Variants in TYW1B observed in about 807,000 individuals in gnomAD.
TYW1B encodes S-adenosyl-L-methionine-dependent tRNA 4-demethylwyosine synthase TYW1B.
In TYW1B, 73 loss-of-function variants were observed where a neutral mutation model predicts 86.9. The ratio of observed to expected loss-of-function variants is 0.84; its 90% CI spans 0.70 to 1.02. TYW1B has a LOEUF of 1.02. TYW1B is among the 50% of genes least tolerant of loss of function. The pLI is 0.00. For missense variants in TYW1B, 637 were observed against 827.4 expected, an observed-to-expected ratio of 0.77 and a Z score of 2.82; for synonymous variants, 248 against 292.8, an observed-to-expected ratio of 0.85 and a Z score of 1.56.
chr7:72,674,756 TCTC>T (rs1157836135), intron 11 of TYW1B, among the ~76,000 whole-genome samples: 2 of 95,344 alleles, frequency 2.1e-5, no homozygotes, highest in Admixed American at 1.2e-4. Context: ...TTTCCTTTTC[TCTC>T]TTTTTTTTTT....
At chr7:72,700,091 C>T (rs1340262509) in intron 10 of TYW1B, among the ~76,000 whole-genome samples, 1 of 145,166 alleles carries the variant, frequency 6.9e-6, no homozygotes, top group Non-Finnish European at 1.5e-5. Flanking sequence ...CTTTTGGGCA[C>T]ATGGGATAAG....
At position 72,632,402 on chromosome 7, in the gene TYW1B, T is replaced by A. The variant is rs1243233345; in HGVS notation, c.1507-3405A>T. On this transcript the variant is annotated intron_variant, in intron 11 of 13. Coordinates refer to ENST00000620995, the MANE Select transcript of TYW1B (RefSeq NM_001145440.3). ...TATATATATACGTATATATATATAA[T>A]ATATATATACATATATATATAAAAT... Among the ~76,000 whole-genome samples, 59 of 79,648 alleles carry A rather than the reference T, an allele frequency of 7.4e-4. 1 individual carries two copies. The highest frequency in any genetic ancestry group is 5.0e-3 in the African/African-American group (49 of 9,856). The allele number at this position is 79,648 out of a possible 152,430, so 52.3% of individuals were successfully genotyped here. A position where few individuals can be genotyped will look rare whatever the true frequency, so the allele number is the denominator to read the frequency against.
At chr7:72,745,888 G>A (rs532640797) in intron 7 of TYW1B, among the ~76,000 whole-genome samples, 1 of 141,742 alleles carries the variant, frequency 7.1e-6, no homozygotes, top group Admixed American at 7.2e-5. Flanking sequence ...GTGTGTGTGT[G>A]TAGTCTCACT....
chr7:72,640,716 A>G (rs1362488049), intron 11 of TYW1B, among the ~76,000 whole-genome samples: 1 of 152,174 alleles, frequency 6.6e-6, no homozygotes, highest in Non-Finnish European at 1.5e-5. Flanking sequence ...AAATTAACAT[A>G]GCCATAGTCA....
chr7:72,733,291 G>T (rs1350382863), intron 8 of TYW1B, among the ~76,000 whole-genome samples: 2 of 151,968 alleles, frequency 1.3e-5, no homozygotes, highest in African/African-American at 4.8e-5. Context: ...GTATTACCCT[G>T]AAAACAAAAC....
At chr7:72,665,889 A>G (rs1813450384) in intron 11 of TYW1B, among the ~76,000 whole-genome samples, 1 of 152,170 alleles carries the variant, frequency 6.6e-6, no homozygotes, top group South Asian at 2.1e-4. Context: ...ATGGTCTAGT[A>G]TATTAAATGT....
intron 6 of TYW1B, among the ~76,000 whole-genome samples, chr7:72,780,441 C>T (rs1323744902): frequency 6.6e-6 from 1 of 152,150 alleles, no homozygotes; most frequent in African/African-American, 2.4e-5. Context: ...CTTGTCACCA[C>T]AAAACATCAC....
At chr7:72,640,687 T>C (rs1332670437) in intron 11 of TYW1B, among the ~76,000 whole-genome samples, 7 of 152,100 alleles carry the variant, frequency 4.6e-5, no homozygotes, top group East Asian at 1.9e-4. Flanking sequence ...GAAGTAACAA[T>C]TGACATAACT....
At chr7:72,819,420 A>C (rs1788786816) in intron 2 of TYW1B, among the ~76,000 whole-genome samples, 1 of 152,102 alleles carries the variant, frequency 6.6e-6, no homozygotes, top group Non-Finnish European at 1.5e-5. Context: ...GGAGTACCTG[A>C]GACTGGGTAA....
At chr7:72,802,123 C>G (rs1292338354) in intron 6 of TYW1B, among the ~76,000 whole-genome samples, 2 of 151,716 alleles carry the variant, frequency 1.3e-5, no homozygotes, top group Admixed American at 6.6e-5. Flanking sequence ...ATGTGGCCCA[C>G]GAAAGCCAAA....
At position 72,758,081 on chromosome 7, in the gene TYW1B, G is replaced by A. The variant is rs186093480; in HGVS notation, c.965-13480C>T. On this transcript the variant is annotated intron_variant, in intron 7 of 13. Coordinates refer to ENST00000620995, the MANE Select transcript of TYW1B (RefSeq NM_001145440.3). Reference sequence around the variant, plus strand: ...AAAAATACAAAAAAATTAGCCAGTCGTGGTGGCGTGCGCCTGTAATCCCAG... The same window carrying A: ...AAAAATACAAAAAAATTAGCCAGTCATGGTGGCGTGCGCCTGTAATCCCAG... Among the ~76,000 whole-genome samples, 417 of 152,236 alleles carry A rather than the reference G, an allele frequency of 2.7e-3. 2 individuals are homozygous for A. The highest frequency in any genetic ancestry group is 8.9e-3 in the African/African-American group (368 of 41,552).
intron 11 of TYW1B, among the ~76,000 whole-genome samples, chr7:72,645,587 ACAT>A (rs576094499): frequency 1.1e-3 from 166 of 152,338 alleles, no homozygotes; most frequent in Middle Eastern, 3.4e-3. Flanking sequence ...TCATACATTG[ACAT>A]ATAGCAATGA....
At chr7:72,771,812 T>C (rs1787873334) in intron 7 of TYW1B, among the ~76,000 whole-genome samples, 1 of 151,998 alleles carries the variant, frequency 6.6e-6, no homozygotes, top group South Asian at 2.1e-4. Flanking sequence ...AATCTATATG[T>C]ATCTAATAAT....
chr7:72,804,260 T>C (rs1452913822), intron 5 of TYW1B, among the ~76,000 whole-genome samples: 2 of 144,504 alleles, frequency 1.4e-5, no homozygotes, highest in Non-Finnish European at 3.0e-5. Flanking sequence ...ACTCCAGCCT[T>C]GGCAACAGAG....
intron 11 of TYW1B, among the ~76,000 whole-genome samples, chr7:72,652,989 C>A (rs566886754): frequency 8.2e-4 from 124 of 151,944 alleles, no homozygotes; most frequent in African/African-American, 2.8e-3. Flanking sequence ...CATGACAAAC[C>A]CAACTAATGA....
rs558889495 is a variant in TYW1B at position 72,686,007 on chromosome 7, T to C, written c.1506+8680A>G. The stretch of plus-strand genomic sequence containing the variant: ...CATAACAGACATCTCTTCAAAGATA[T>C]ATGAATGGCAAATAAGCATATGAAA... On this transcript the variant is annotated intron_variant, in intron 11 of 13. Coordinates refer to ENST00000620995, the MANE Select transcript of TYW1B (RefSeq NM_001145440.3). Among the ~76,000 whole-genome samples the C allele has an allele frequency of 6.6e-5, 10 of 152,292 alleles. No homozygotes were observed. The East Asian group carries it at 1.9e-3, about 29-fold the overall frequency.
chr7:72,720,176 G>A (rs2844078), intron 9 of TYW1B, among the ~76,000 whole-genome samples: 12 of 152,284 alleles, frequency 7.9e-5, no homozygotes, highest in African/African-American at 2.9e-4. Flanking sequence ...GGGTATGAGA[G>A]AGTGAGAGGG....
chr7:72,810,673 A>G lies in TYW1B; in HGVS notation c.238-8T>C, dbSNP rs1554477981. On this transcript the variant is annotated splice_region_variant and splice_polypyrimidine_tract_variant and intron_variant, in intron 3 of 13. Transcript: ENST00000620995. ...GACATTTTTACTAGTCACCTAACCA[A>G]GAAAGTAATTGTTTCAGTGGAACAT... 1 of 1,593,268 alleles carries G rather than the reference A, an allele frequency of 6.3e-7. No homozygotes were observed. Among genetic ancestry groups the G allele is most frequent in the East Asian group, 2.2e-5 (1 of 44,592 alleles).
At chr7:72,713,081 T>C (rs1314363514) in intron 10 of TYW1B, among the ~76,000 whole-genome samples, 1 of 151,610 alleles carries the variant, frequency 6.6e-6, no homozygotes, top group Non-Finnish European at 1.5e-5. Flanking sequence ...GGAGGATCAC[T>C]TGAGGTCAGG....
Sources: gnomAD v4.1 joint callset for allele counts (sites outside exome capture counted in the v4.1 genomes callset) on GRCh38, gnomAD v4.1.1 for gene constraint, MANE v1.5 for transcripts, NCBI Gene and HGNC (gene_info 2026-07-23, HGNC 2026-07-21) for gene names.